The following KAZN variants were observed in gnomAD, a reference collection of about 807,000 sequenced individuals.
The protein encoded by KAZN is kazrin, periplakin interacting protein, also known as kazrin.
A neutral mutation model predicts 87.4 loss-of-function variants in KAZN; 40 were observed. That is an observed-to-expected ratio of 0.46 (90% CI 0.36 to 0.60). The LOEUF is 0.60. Ranked by LOEUF, KAZN falls within the 20% of genes least tolerant of loss-of-function variation. The pLI is 0.00. For missense variants in KAZN, 898 were observed against 1,073.9 expected (o/e 0.84, Z 2.29); for synonymous variants, 466 against 458.3 (o/e 1.02, Z -0.22).
chr1:14,314,108 G>A (rs1190895246), intron 2 of KAZN, among the ~76,000 whole-genome samples: 1 of 152,080 alleles, frequency 6.6e-6, no homozygotes, highest in Non-Finnish European at 1.5e-5. Context: ...GCTCCCATGG[G>A]CTATTTCTTT....
At position 14,611,100 on chromosome 1, in the gene KAZN, G is replaced by C. The variant is rs113977543; in HGVS notation, c.226+11877G>C. Among the ~76,000 whole-genome samples the C allele has an allele frequency of 1.5e-3, 234 of 152,258 alleles. 2 individuals are homozygous for C. The highest frequency in any genetic ancestry group is 5.3e-3 in the African/African-American group (220 of 41,554). On this transcript the variant is annotated intron_variant, in intron 1 of 14. Transcript: ENST00000376030. Reference sequence around the variant, plus strand: ...AGTATGGCAGAAAACTCAGGGAGATGGGAATGGGGCATTTTTTTCTGTGCA... The same window carrying C: ...AGTATGGCAGAAAACTCAGGGAGATCGGAATGGGGCATTTTTTTCTGTGCA...
chr1:14,831,140 G>A (rs747198212), intron 1 of KAZN, among the ~76,000 whole-genome samples: 5 of 152,216 alleles, frequency 3.3e-5, no homozygotes, highest in African/African-American at 7.2e-5. Flanking sequence ...GATTACAGGC[G>A]TGAGCCACCA....
At chr1:14,520,132 G>A (rs1671510166) in intron 2 of KAZN, among the ~76,000 whole-genome samples, 1 of 152,182 alleles carries the variant, frequency 6.6e-6, no homozygotes, top group South Asian at 2.1e-4. Flanking sequence ...AATGAGGCCA[G>A]TATGGCTCAT....
intron 1 of KAZN, among the ~76,000 whole-genome samples, chr1:14,921,759 T>C (rs558201954): frequency 7.2e-5 from 11 of 152,380 alleles, no homozygotes; most frequent in African/African-American, 2.4e-4. Context: ...TCGCCTAGCC[T>C]GGAGTGTGCT....
rs1676691321 is a variant in KAZN at position 14,598,764 on chromosome 1, T to A, written c.-234T>A. 1.5e-6 allele frequency: 2 copies of A among 1,343,636 alleles called. No individual in the cohort carries two copies. Among genetic ancestry groups the A allele is most frequent in the East Asian group, 6.3e-5 (2 of 31,758 alleles). The allele number at this position is 1,343,636 out of a possible 1,614,324, so 83.2% of individuals were successfully genotyped here. A position where few individuals can be genotyped will look rare whatever the true frequency, so the allele number is the denominator to read the frequency against. On this transcript the variant is annotated 5_prime_UTR_variant, in exon 1 of 15. Transcript: ENST00000376030. The surrounding 1 kb of genome is among the most constrained non-coding windows in gnomAD (Gnocchi z 4.2). The stretch of plus-strand genomic sequence containing the variant: ...CTCCTCCTCCTTCTCCTCCTCTTTT[T>A]TCTCCTCCGCCTCCTCCCCCCGCCG...
intron 2 of KAZN, among the ~76,000 whole-genome samples, chr1:14,232,911 G>A (rs1267426930): frequency 6.6e-6 from 1 of 152,086 alleles, no homozygotes. Flanking sequence ...ATTTTTTAGG[G>A]TAAAGAACTT....
chr1:14,135,091 A>T (rs1009295169), intron 1 of KAZN, among the ~76,000 whole-genome samples: 1 of 152,144 alleles, frequency 6.6e-6, no homozygotes, highest in Non-Finnish European at 1.5e-5. Context: ...ATTAAAAGTA[A>T]TGGCAAAAAC....
chr1:14,717,818 A>G (rs1051469255), intron 1 of KAZN, among the ~76,000 whole-genome samples: 15 of 152,196 alleles, frequency 9.9e-5, no homozygotes, highest in Non-Finnish European at 1.5e-5. Context: ...GGCTTGGCCA[A>G]AAAAAGGTCG....
intron 2 of KAZN, among the ~76,000 whole-genome samples, chr1:14,231,350 C>T (rs1571084297): frequency 6.6e-6 from 1 of 152,322 alleles, no homozygotes; most frequent in Admixed American, 6.5e-5. Flanking sequence ...CTTCCCCTCC[C>T]CTTGTAATTG....
intron 1 of KAZN, among the ~76,000 whole-genome samples, chr1:14,635,220 C>G (rs534538098): frequency 6.6e-6 from 1 of 152,196 alleles, no homozygotes; most frequent in African/African-American, 2.4e-5. Flanking sequence ...CGGACATCCA[C>G]GCTGCTGTGC....
In KAZN at chr1:14,826,203, T is replaced by A. The variant is rs116336828; in HGVS notation, c.227-134481T>A. Among the ~76,000 whole-genome samples, 663 of 152,290 alleles carry A rather than the reference T, an allele frequency of 4.4e-3. 3 individuals carry two copies. Among genetic ancestry groups the A allele is most frequent in the African/African-American group, 0.015 (620 of 41,568 alleles). The stretch of plus-strand genomic sequence containing the variant: ...AGGCACAGAGAGACTCCTTTTGTTG[T>A]TCCTCCCAGATTGCAAAAGCAGGAA... On this transcript the variant is annotated intron_variant, in intron 1 of 14. Coordinates refer to ENST00000376030, the MANE Select transcript of KAZN (RefSeq NM_201628.3).
chr1:15,007,056 C>CAAAAAAAAAA (rs35245453), intron 2 of KAZN, among the ~76,000 whole-genome samples: 10 of 67,806 alleles, frequency 1.5e-4, no homozygotes, highest in Non-Finnish European at 2.2e-4. Flanking sequence ...GACTCCGTCT[C>CAAAAAAAAAA]AAAAAAAAAA....
intron 1 of KAZN, among the ~76,000 whole-genome samples, chr1:14,125,622 T>C (rs950962147): frequency 5.2e-4 from 79 of 152,044 alleles, no homozygotes; most frequent in African/African-American, 1.8e-3. Context: ...CTGGAGACTT[T>C]TGGGGGAGCG....
chr1:14,299,247 A>G (rs796315812), intron 2 of KAZN, among the ~76,000 whole-genome samples: 17 of 152,342 alleles, frequency 1.1e-4, no homozygotes, highest in African/African-American at 4.1e-4. Context: ...TCATGCCTGT[A>G]ATCCCAGCCC....
chr1:14,499,917 G>T (rs958155983), intron 2 of KAZN, among the ~76,000 whole-genome samples: 1 of 152,112 alleles, frequency 6.6e-6, no homozygotes, highest in Non-Finnish European at 1.5e-5. Context: ...TCCAGCAGGC[G>T]CAGTAGCAGA....
intron 2 of KAZN, among the ~76,000 whole-genome samples, chr1:14,267,083 A>T (rs1401442374): frequency 2.1e-5 from 3 of 142,004 alleles, no homozygotes; most frequent in African/African-American, 5.3e-5. Context: ...ATGTTCCCAA[A>T]TTTTTTTTTC....
In KAZN at chr1:14,419,368, T is replaced by C. The variant is rs146024633; in HGVS notation, c.250-179615T>C. 5.3e-5 allele frequency among the ~76,000 whole-genome samples: 8 copies of C among 152,238 alleles called. No individual in the cohort carries two copies. The East Asian group carries it at 9.7e-4, about 18-fold the overall frequency. On this transcript the variant is annotated intron_variant, in intron 2 of 16. Coordinates refer to the KAZN transcript ENST00000636203. ...TTTCCACCCTGCCCGGCCATCCCCATCTATCTCATTGCCTGGGAAGCCACC... is the reference window on the plus strand; with the variant it reads ...TTTCCACCCTGCCCGGCCATCCCCACCTATCTCATTGCCTGGGAAGCCACC...
At chr1:14,806,235 A>G (rs559042711) in intron 1 of KAZN, among the ~76,000 whole-genome samples, 2 of 150,456 alleles carry the variant, frequency 1.3e-5, no homozygotes, top group Non-Finnish European at 3.0e-5. Context: ...CCTTTGTCTC[A>G]GCATCTGATG....
Position 15,056,295 on chromosome 1 carries a change from G to C in KAZN, c.916+15G>C. The C allele has an allele frequency of 6.3e-7, 1 of 1,585,974 alleles. No individual in the cohort carries two copies. The highest frequency in any genetic ancestry group is 8.6e-7 in the Non-Finnish European group (1 of 1,159,074). Reference sequence around the variant, plus strand: ...GGACCGGCAAGGTGAGTCCTGCCCTGGCCTGGCTCCACCACGGCTTCGAGG... The same window carrying C: ...GGACCGGCAAGGTGAGTCCTGCCCTCGCCTGGCTCCACCACGGCTTCGAGG... On this transcript the variant is annotated intron_variant, in intron 5 of 14. Transcript: ENST00000376030. This position sits in a 1 kb window ranked among gnomAD's most constrained non-coding sequence, Gnocchi z 5.4.
Sources: allele counts gnomAD v4.1 joint callset (sites outside exome capture counted in the v4.1 genomes callset), GRCh38; gene constraint gnomAD v4.1.1; non-coding constraint Gnocchi (gnomAD v3.1); transcripts MANE v1.5; gene names NCBI Gene and HGNC (gene_info 2026-07-23, HGNC 2026-07-21).